PDE1A: variants seen among roughly 807,000 people sequenced by gnomAD.
The protein encoded by PDE1A is phosphodiesterase 1A.
Under a neutral mutation model 61.7 loss-of-function variants are expected in PDE1A, and 35 were observed. The observed-to-expected ratio is 0.57, with a 90% CI of 0.43 to 0.75. The LOEUF (loss-of-function observed/expected upper bound fraction) is 0.75, where lower values mean the gene tolerates loss of function less well. Ranked by LOEUF, PDE1A falls within the 30% of genes least tolerant of loss-of-function variation. The probability of loss-of-function intolerance (pLI) is 0.00; values close to 1 mark genes in which losing one functional copy is unlikely to be tolerated. For missense variants in PDE1A, 597 were observed against 630.6 expected (o/e 0.95, Z 0.57); for synonymous variants, 232 against 213.2 (o/e 1.09, Z -0.77).
At chr2:182,201,139 T>G (rs1234379780) in intron 10 of PDE1A, among the ~76,000 whole-genome samples, 1 of 152,170 alleles carries the variant, frequency 6.6e-6, no homozygotes, top group Non-Finnish European at 1.5e-5. Flanking sequence ...CTATTTGCTG[T>G]CTCTGCTGTG....
intron 1 of PDE1A, among the ~76,000 whole-genome samples, chr2:182,290,913 T>C (rs1449948670): frequency 6.6e-6 from 1 of 152,010 alleles, no homozygotes; most frequent in Non-Finnish European, 1.5e-5. Flanking sequence ...CCACCTACAC[T>C]GAATTTTATA....
chr2:182,414,954 T>C (rs1702826404), intron 1 of PDE1A, among the ~76,000 whole-genome samples: 1 of 152,140 alleles, frequency 6.6e-6, no homozygotes, highest in Non-Finnish European at 1.5e-5. Context: ...TCAGTGGTCA[T>C]TTGGTACAAC....
At position 182,205,937 on chromosome 2, in the gene PDE1A, C is replaced by T. The variant is rs756583177; in HGVS notation, c.902+3G>A. 11 of 1,603,876 alleles carry T rather than the reference C, an allele frequency of 6.9e-6. No individual in the cohort carries two copies. Among genetic ancestry groups the T allele is most frequent in the Non-Finnish European group, 9.4e-6 (11 of 1,174,426 alleles). ...TTTCCTCTAGGTTTTCTCTGAAACT[C>T]ACCTCCAGTCATCTTTGGATAAATT... is the stretch of plus-strand genomic sequence containing the variant. On this transcript the variant is annotated splice_donor_region_variant and intron_variant, in intron 8 of 13. Transcript: ENST00000351439.
the PDE1A span, among the ~76,000 whole-genome samples, chr2:182,600,938 T>G: frequency 6.6e-6 from 1 of 152,206 alleles, no homozygotes; most frequent in Non-Finnish European, 1.5e-5. Flanking sequence ...CTGCTACTTT[T>G]CAGAACTTTG....
chr2:182,457,560 C>T (rs1461421882), intron 2 of PDE1A, among the ~76,000 whole-genome samples: 1 of 151,800 alleles, frequency 6.6e-6, no homozygotes, highest in Non-Finnish European at 1.5e-5. Context: ...TGAAAAGGTC[C>T]TTTGGACAGT....
intron 1 of PDE1A, among the ~76,000 whole-genome samples, chr2:182,337,357 A>T (rs1027036903): frequency 2.0e-5 from 3 of 152,250 alleles, no homozygotes; most frequent in African/African-American, 7.2e-5. Flanking sequence ...AAACATACTT[A>T]GTTAACCACA....
chr2:182,400,069 T>C (rs961059528), intron 1 of PDE1A, among the ~76,000 whole-genome samples: 1 of 152,192 alleles, frequency 6.6e-6, no homozygotes, highest in African/African-American at 2.4e-5. Context: ...AAATGAAATA[T>C]TGTTTTAATT....
intron 2 of PDE1A, among the ~76,000 whole-genome samples, chr2:182,510,922 A>C (rs902406078): frequency 1.3e-5 from 2 of 152,146 alleles, no homozygotes; most frequent in African/African-American, 4.8e-5. Context: ...AGCTAAAAGA[A>C]AGTTGTCTTT....
intron 1 of PDE1A, among the ~76,000 whole-genome samples, chr2:182,340,491 C>T (rs901825330): frequency 2.0e-5 from 3 of 152,124 alleles, no homozygotes; most frequent in African/African-American, 7.2e-5. Context: ...CATGAAATAC[C>T]TCTTGTAAAA....
At chr2:182,360,294 A>G (rs1428269030) in intron 1 of PDE1A, among the ~76,000 whole-genome samples, 1 of 152,138 alleles carries the variant, frequency 6.6e-6, no homozygotes, top group Non-Finnish European at 1.5e-5. Flanking sequence ...TCTTTATCCC[A>G]GACTTTTAAA....
intron 13 of PDE1A, among the ~76,000 whole-genome samples, chr2:182,178,680 T>G (rs1324236887): frequency 6.6e-6 from 1 of 152,038 alleles, no homozygotes; most frequent in East Asian, 1.9e-4. Context: ...GGGGTGGCTG[T>G]GTAGAATGTC....
chr2:182,713,840 C>T, the PDE1A span, among the ~76,000 whole-genome samples: 3 of 152,142 alleles, frequency 2.0e-5, no homozygotes, highest in African/African-American at 7.2e-5. Context: ...CTCTTTTCAC[C>T]CAAACTCTGA....
At chr2:182,521,385 T>A (rs1351024312) in intron 2 of PDE1A, among the ~76,000 whole-genome samples, 4 of 152,074 alleles carry the variant, frequency 2.6e-5, no homozygotes, top group African/African-American at 9.7e-5. Flanking sequence ...TATTTTCATT[T>A]GAGATCTGCA....
intron 2 of PDE1A, among the ~76,000 whole-genome samples, chr2:182,503,862 G>C (rs531994767): frequency 7.6e-4 from 115 of 152,086 alleles, no homozygotes; most frequent in Non-Finnish European, 1.4e-3. Flanking sequence ...TATATCCCTG[G>C]TTCCTAGAGT....
chr2:182,629,116 G>A, the PDE1A span, among the ~76,000 whole-genome samples: 2 of 152,146 alleles, frequency 1.3e-5, no homozygotes, highest in Non-Finnish European at 2.9e-5. Context: ...TAAGAAGCCA[G>A]GGCCATCAGG....
At chr2:182,708,496 C>T in the PDE1A span, among the ~76,000 whole-genome samples, 3 of 152,158 alleles carry the variant, frequency 2.0e-5, no homozygotes, top group Admixed American at 1.3e-4. Context: ...AAAGAACTTC[C>T]CTGAGACGGG....
chr2:182,199,826 T>C (rs1686464759), intron 10 of PDE1A, among the ~76,000 whole-genome samples: 1 of 152,120 alleles, frequency 6.6e-6, no homozygotes, highest in South Asian at 2.1e-4. Context: ...GGAATATAAA[T>C]TGCAATATAA....
chr2:182,505,453 C>G (rs1689345649), intron 2 of PDE1A, among the ~76,000 whole-genome samples: 2 of 152,162 alleles, frequency 1.3e-5, no homozygotes, highest in African/African-American at 2.4e-5. Flanking sequence ...TTTACAGGAA[C>G]AGCTATCATT....
At chr2:182,305,792 A>G (rs1286390510) in intron 1 of PDE1A, among the ~76,000 whole-genome samples, 1 of 152,084 alleles carries the variant, frequency 6.6e-6, no homozygotes, top group Non-Finnish European at 1.5e-5. Context: ...TTTATGAGGT[A>G]AAAGTGATAT....
Sources: gnomAD v4.1 joint callset for allele counts (sites outside exome capture counted in the v4.1 genomes callset) on GRCh38, gnomAD v4.1.1 for gene constraint, MANE v1.5 for transcripts, NCBI Gene and HGNC (gene_info 2026-07-23, HGNC 2026-07-21) for gene names.